GLI3: variants seen among roughly 807,000 people sequenced by gnomAD.
The protein encoded by GLI3 is transcription activator GLI3.
A neutral mutation model predicts 100.8 loss-of-function variants in GLI3; 20 were observed. The ratio of observed to expected loss-of-function variants is 0.20; its 90% CI spans 0.14 to 0.29. The LOEUF is 0.29. Ranked by LOEUF, GLI3 falls within the 10% of genes least tolerant of loss-of-function variation. The pLI is 1.00. For synonymous variants in GLI3, 938 were observed against 860.5 expected, an observed-to-expected ratio of 1.09 and a Z score of -1.58; for missense variants, 2,040 against 2,128.5, an observed-to-expected ratio of 0.96 and a Z score of 0.82.
chr7:42,075,773 G>C (rs761803929), intron 4 of GLI3, among the ~76,000 whole-genome samples: 1 of 152,196 alleles, frequency 6.6e-6, no homozygotes, highest in Non-Finnish European at 1.5e-5. Flanking sequence ...AATATTATAT[G>C]TGTACTTGGG....
chr7:42,096,087 C>T (rs1012338027), intron 3 of GLI3, among the ~76,000 whole-genome samples: 2 of 152,152 alleles, frequency 1.3e-5, no homozygotes, highest in Admixed American at 6.5e-5. Flanking sequence ...AGGGAGCTGA[C>T]GGGTGGAGAA....
intron 2 of GLI3, among the ~76,000 whole-genome samples, chr7:42,186,533 C>T (rs1787719358): frequency 6.6e-6 from 1 of 152,190 alleles, no homozygotes; most frequent in African/African-American, 2.4e-5. Flanking sequence ...ATCACATGAG[C>T]ACCCAGAGGC....
chr7:42,092,083 C>T (rs1785232611), intron 3 of GLI3, among the ~76,000 whole-genome samples: 1 of 152,258 alleles, frequency 6.6e-6, no homozygotes, highest in South Asian at 2.1e-4. Context: ...TGCACAAATA[C>T]TTCACACATT....
At chr7:42,145,633 A>C in intron 3 of GLI3, 2 of 398,258 alleles carry the variant, frequency 5.0e-6, no homozygotes. Context: ...AAAAAAAAAA[A>C]AAACAGTCTA....
intron 3 of GLI3, among the ~76,000 whole-genome samples, chr7:42,141,498 C>A (rs1786566442): frequency 6.6e-6 from 1 of 152,032 alleles, no homozygotes; most frequent in Non-Finnish European, 1.5e-5. Context: ...ATGGCGAAAC[C>A]CCGTGTCTAC....
intron 10 of GLI3, among the ~76,000 whole-genome samples, chr7:41,986,634 G>A (rs1787830566): frequency 6.6e-6 from 1 of 152,116 alleles, no homozygotes; most frequent in Admixed American, 6.6e-5. Context: ...TCCAGAATAG[G>A]TAAATCTATA....
At chr7:42,226,957 T>C (rs1001496011) in intron 1 of GLI3, among the ~76,000 whole-genome samples, 17 of 152,180 alleles carry the variant, frequency 1.1e-4, no homozygotes, top group African/African-American at 4.1e-4. Flanking sequence ...AAGTGGTCAG[T>C]AGAAATTCCT....
chr7:42,214,855 T>C (rs1231050889), intron 2 of GLI3, among the ~76,000 whole-genome samples: 1 of 130,028 alleles, frequency 7.7e-6, no homozygotes, highest in East Asian at 2.4e-4. Context: ...GTACATTCAC[T>C]GGATGCTAAA....
intron 10 of GLI3, among the ~76,000 whole-genome samples, chr7:42,004,906 T>C (rs976822873): frequency 2.0e-5 from 3 of 152,224 alleles, no homozygotes; most frequent in Non-Finnish European, 2.9e-5. Flanking sequence ...TTTAACTCAG[T>C]TATTTGGTTT....
At chr7:42,152,553 T>C (rs1420652879) in intron 2 of GLI3, 1 of 305,194 alleles carries the variant, frequency 3.3e-6, no homozygotes, top group African/African-American at 2.3e-5. Context: ...ATTAGTATTC[T>C]TTCTGAGTGC....
intron 7 of GLI3, among the ~76,000 whole-genome samples, chr7:42,033,805 T>C (rs187883233): frequency 6.6e-6 from 1 of 152,226 alleles, no homozygotes; most frequent in East Asian, 1.9e-4. Flanking sequence ...CATGTGCTTC[T>C]ATTTGAGAGG....
chr7:42,033,874 A>G (rs1047181061), intron 7 of GLI3, among the ~76,000 whole-genome samples: 11 of 152,324 alleles, frequency 7.2e-5, no homozygotes, highest in Admixed American at 2.0e-4. Context: ...TTTATTGGAA[A>G]CCCAGCCCAG....
intron 2 of GLI3, among the ~76,000 whole-genome samples, chr7:42,178,267 C>G (rs570348237): frequency 4.6e-5 from 7 of 152,324 alleles, no homozygotes; most frequent in Non-Finnish European, 8.8e-5. Context: ...TGTATCATCC[C>G]TGCAGCTTCT....
chr7:42,246,540 C>T (rs71538654), intron 1 of GLI3, among the ~76,000 whole-genome samples: 6,311 of 152,240 alleles, frequency 0.041, 181 homozygotes, highest in Non-Finnish European at 0.066. Context: ...ATATACACTC[C>T]TAAGAGGGCA....
At chr7:42,047,351 A>T (rs1218844350) in intron 5 of GLI3, among the ~76,000 whole-genome samples, 1 of 152,202 alleles carries the variant, frequency 6.6e-6, no homozygotes, top group Non-Finnish European at 1.5e-5. Context: ...CTCACCATGC[A>T]CACCCAGCCT....
intron 10 of GLI3, among the ~76,000 whole-genome samples, chr7:42,004,666 C>G (rs189160939): frequency 3.9e-5 from 6 of 152,270 alleles, no homozygotes; most frequent in Admixed American, 2.0e-4. Flanking sequence ...AAAATAGAGA[C>G]AGGGTCTCAC....
At chr7:42,098,127 A>G (rs1341105410) in intron 3 of GLI3, among the ~76,000 whole-genome samples, 1 of 152,168 alleles carries the variant, frequency 6.6e-6, no homozygotes, top group African/African-American at 2.4e-5. Flanking sequence ...GCCTGCAGGT[A>G]TGACCACAGA....
chr7:42,013,049 T>C (rs1234913647), intron 10 of GLI3, among the ~76,000 whole-genome samples: 1 of 152,180 alleles, frequency 6.6e-6, no homozygotes, highest in Non-Finnish European at 1.5e-5. Context: ...CCGGTTATGT[T>C]AGAGACATGG....
intron 10 of GLI3, among the ~76,000 whole-genome samples, chr7:41,990,217 C>A (rs1427349556): frequency 6.6e-6 from 1 of 151,814 alleles, no homozygotes; most frequent in African/African-American, 2.4e-5. Flanking sequence ...AAGGTAGGCA[C>A]AAAGTTTTCC....
Sources: allele counts gnomAD v4.1 joint callset (sites outside exome capture counted in the v4.1 genomes callset), GRCh38; gene constraint gnomAD v4.1.1; transcripts MANE v1.5; gene names NCBI Gene and HGNC (gene_info 2026-07-23, HGNC 2026-07-21).